CCT6B: variants seen among roughly 807,000 people sequenced by gnomAD.
CCT6B encodes the protein probable T-complex protein 1 subunit zeta-2.
In CCT6B, 49 loss-of-function variants were observed where a neutral mutation model predicts 61.5. That is an observed-to-expected ratio of 0.80 (90% CI 0.63 to 1.01). The LOEUF (loss-of-function observed/expected upper bound fraction) is 1.01. Ranked by LOEUF, CCT6B falls within the 50% of genes least tolerant of loss-of-function variation. CCT6B has a pLI of 0.00. For synonymous variants in CCT6B, 228 were observed against 214.5 expected (o/e 1.06, Z -0.55); for missense variants, 666 against 634.7 (o/e 1.05, Z -0.53).
chr17:34,960,042 T>C (rs1167701034), intron 1 of CCT6B, among the ~76,000 whole-genome samples: 1 of 152,202 alleles, frequency 6.6e-6, no homozygotes, highest in African/African-American at 2.4e-5. Context: ...ATCACCAAGT[T>C]CTATCAATTC....
At chr17:34,950,657 G>A (rs780003490) in intron 5 of CCT6B, among the ~76,000 whole-genome samples, 40 of 152,304 alleles carry the variant, frequency 2.6e-4, no homozygotes, top group South Asian at 1.0e-3. Context: ...GGGGCCGGGC[G>A]TGGTGGCTCA....
intron 3 of CCT6B, among the ~76,000 whole-genome samples, chr17:34,957,426 G>A (rs1331261217): frequency 6.6e-6 from 1 of 152,128 alleles, no homozygotes; most frequent in Non-Finnish European, 1.5e-5. Flanking sequence ...TTACAGGTGT[G>A]AGCCACCGCA....
chr17:34,951,561 C>T (rs1404218301), intron 5 of CCT6B, among the ~76,000 whole-genome samples: 1 of 152,204 alleles, frequency 6.6e-6, no homozygotes, highest in Non-Finnish European at 1.5e-5. Context: ...GTGCTCCAGG[C>T]ACACTGTAAC....
At position 34,939,223 on chromosome 17, in the gene CCT6B, TA is replaced by T; in HGVS notation, c.1172del (p.Ile391LysfsTer39). ...KHTLTQVKDA[I>X]RDGLRAIKNA... ...TTTTGATAGCACGAAGTCCATCTCT[TA>T]TGGCATCCTTGACTTGTGTGAGAGT... On this transcript the variant is annotated frameshift_variant, in exon 10 of 14. Coordinates refer to ENST00000314144, the MANE Select transcript of CCT6B (RefSeq NM_006584.4). LOFTEE classifies it high-confidence loss of function. 6.2e-7 allele frequency: 1 copy of T among 1,613,980 alleles called. No homozygotes were observed. The highest frequency in any genetic ancestry group is 2.2e-5 in the East Asian group (1 of 44,836).
rs554242719 is a variant in CCT6B at position 34,939,647 on chromosome 17, T to A, written c.1035A>T (p.Gly345=). The change falls in exon 9 of 14, where the codon GGA becomes GGT. Residue 345 remains glycine, a synonymous_variant. Coordinates refer to ENST00000314144, the MANE Select transcript of CCT6B (RefSeq NM_006584.4). Reference sequence around the variant, plus strand: ...TATACTCATACACAAGACCAGCATGTCCCAAGCAATCTACAGTGAGATCTT... The same window carrying A: ...TATACTCATACACAAGACCAGCATGACCCAAGCAATCTACAGTGAGATCTT... The part of the protein sequence containing the change: ...SFEDLTVDCL[G]HAGLVYEYTL... 6.2e-7 allele frequency: 1 copy of A among 1,612,326 alleles called. No homozygotes were observed. Among genetic ancestry groups the A allele is most frequent in the South Asian group, 1.1e-5 (1 of 91,054 alleles).
intron 3 of CCT6B, among the ~76,000 whole-genome samples, chr17:34,956,750 T>C (rs1223806598): frequency 6.6e-6 from 1 of 152,134 alleles, no homozygotes; most frequent in Non-Finnish European, 1.5e-5. Context: ...CTCTGCCTAA[T>C]TTCCTCTGAC....
chr17:34,933,412 C>A (rs1014438741), intron 10 of CCT6B, among the ~76,000 whole-genome samples: 1 of 152,094 alleles, frequency 6.6e-6, no homozygotes, highest in African/African-American at 2.4e-5. Context: ...CAAAACAATA[C>A]GAAAACAATC....
intron 11 of CCT6B, among the ~76,000 whole-genome samples, chr17:34,931,637 C>G (rs1239476800): frequency 1.3e-5 from 2 of 152,106 alleles, no homozygotes; most frequent in African/African-American, 2.4e-5. Context: ...CTGTCAGCAG[C>G]AGGATCATAC....
intron 4 of CCT6B, among the ~76,000 whole-genome samples, chr17:34,953,970 GAAATAA>G (rs990454255): frequency 1.3e-5 from 2 of 151,906 alleles, no homozygotes; most frequent in Non-Finnish European, 2.9e-5. Context: ...ATTAATAAAA[GAAATAA>G]ACTAAACAAA....
At chr17:34,933,311 T>G (rs531552365) in intron 10 of CCT6B, among the ~76,000 whole-genome samples, 18 of 152,210 alleles carry the variant, frequency 1.2e-4, no homozygotes, top group African/African-American at 3.9e-4. Flanking sequence ...ACACATCAAA[T>G]TTCACATCAG....
chr17:34,929,445 GATGAC>G (rs1032313983), intron 12 of CCT6B, among the ~76,000 whole-genome samples: 8 of 149,364 alleles, frequency 5.4e-5, no homozygotes, highest in Admixed American at 2.0e-4. Context: ...ATACACATCT[GATGAC>G]TCTCAAGGTT....
chr17:34,930,922 G>T, intron 12 of CCT6B, 27 bp downstream of exon 12: 1 of 1,143,566 alleles, frequency 8.7e-7, no homozygotes. Flanking sequence ...TCTTTATTAA[G>T]CAGCTAATTT....
chr17:34,958,823 A>C (rs1290944783), intron 2 of CCT6B, 129 bp from the exon 3 acceptor site: 2 of 614,256 alleles, frequency 3.3e-6, no homozygotes, highest in East Asian at 6.6e-5. Context: ...CAAGTTTACA[A>C]GTTTTGTATT....
chr17:34,952,929 C>A (rs1046759454), intron 4 of CCT6B, among the ~76,000 whole-genome samples: 1 of 152,116 alleles, frequency 6.6e-6, no homozygotes, highest in Non-Finnish European at 1.5e-5. Flanking sequence ...GGTGCCCTAG[C>A]AGCATGAAGA....
At chr17:34,937,021 G>A (rs1312635695) in intron 10 of CCT6B, among the ~76,000 whole-genome samples, 1 of 152,134 alleles carries the variant, frequency 6.6e-6, no homozygotes, top group Non-Finnish European at 1.5e-5. Flanking sequence ...AACCAGGCAT[G>A]GTAGTGCATG....
At chr17:34,949,615 A>G (rs2090269324) in intron 5 of CCT6B, 2 of 152,168 alleles carry the variant, frequency 1.3e-5, no homozygotes, top group Admixed American at 6.5e-5. Context: ...ATAATTATCA[A>G]TATCAGATAA....
intron 7 of CCT6B, 141 bp downstream of exon 7, chr17:34,942,343 G>A (rs1204350473): frequency 4.8e-6 from 3 of 621,578 alleles, no homozygotes; most frequent in Non-Finnish European, 8.1e-6. Flanking sequence ...TGTAAAAGGT[G>A]TAATTATTAT....
intron 4 of CCT6B, among the ~76,000 whole-genome samples, 168 bp from the exon 5 acceptor site, chr17:34,952,221 C>CTA (rs2090299975): frequency 6.6e-6 from 1 of 152,198 alleles, no homozygotes; most frequent in Non-Finnish European, 1.5e-5. Context: ...TAGCCAATGC[C>CTA]AACAGACACT....
At position 34,938,972 on chromosome 17, in the gene CCT6B, T is replaced by A. The variant is rs139895837; in HGVS notation, c.1213+211A>T. On this transcript the variant is annotated intron_variant, in intron 10 of 13. Coordinates refer to ENST00000314144, the MANE Select transcript of CCT6B (RefSeq NM_006584.4). ...GGTGGTGTGTGCCTGTAATCCCAGC[T>A]ACTTGGGAGGCTGAGGCAGAAGAAT... 4.0e-3 allele frequency among the ~76,000 whole-genome samples: 609 copies of A among 152,138 alleles called. 5 individuals carry two copies. Among genetic ancestry groups the A allele is most frequent in the African/African-American group, 0.014 (586 of 41,508 alleles).
Sources: allele counts gnomAD v4.1 joint callset (sites outside exome capture counted in the v4.1 genomes callset), GRCh38; gene constraint gnomAD v4.1.1; transcripts MANE v1.5; gene names NCBI Gene and HGNC (gene_info 2026-07-23, HGNC 2026-07-21).